The following LSAMP variants were observed in gnomAD, a reference collection of about 807,000 sequenced individuals.
LSAMP encodes the protein limbic system-associated membrane protein.
In LSAMP, 7 loss-of-function variants were observed where a neutral mutation model predicts 38.6. That is an observed-to-expected ratio of 0.18 (90% CI 0.10 to 0.34). The LOEUF is 0.34. Among genes scored for constraint, LSAMP ranks in the 10% least tolerant of loss-of-function variants. The pLI, the probability that LSAMP is intolerant of heterozygous loss-of-function variation, is 1.00. For synonymous variants in LSAMP, 154 were observed against 166.8 expected, an observed-to-expected ratio of 0.92 and a Z score of 0.59; for missense variants, 313 against 420.0, an observed-to-expected ratio of 0.75 and a Z score of 2.23.
Position 115,810,141 on chromosome 3 carries a change from ATGT to A in LSAMP, c.*173_*175del. The A allele has an allele frequency of 1.7e-6, 1 of 574,348 alleles. No homozygotes were observed. The highest frequency in any genetic ancestry group is 3.1e-6 in the Non-Finnish European group (1 of 325,104). The allele number at this position is 574,348 out of a possible 1,614,324, so 35.6% of individuals were successfully genotyped here. On this transcript the variant is annotated 3_prime_UTR_variant, in exon 7 of 7. Transcript: ENST00000490035. Reference sequence around the variant, plus strand: ...ATGATGGACTGTAAAATTGTTTTAAATGTTGTATTTTCTTCTTCACTTTCTTAT... The same window carrying A: ...ATGATGGACTGTAAAATTGTTTTAAATGTATTTTCTTCTTCACTTTCTTAT...
Position 115,802,945 on chromosome 3 carries a change from A to C in LSAMP, c.*7372T>G, listed in dbSNP as rs992807826. 1.3e-5 allele frequency: 2 copies of C among 152,312 alleles called. No homozygotes were observed. Among genetic ancestry groups the C allele is most frequent in the Middle Eastern group, 3.4e-3 (1 of 294 alleles). 9.4% of individuals were successfully genotyped at this position (152,312 alleles called of 1,614,324 possible). A position where few individuals can be genotyped will look rare whatever the true frequency, so the allele number is the denominator to read the frequency against. Reference sequence around the variant, plus strand: ...GAGCAGAACTTGGCCACAGTTCACCAGGATGAACAATTTCCATTCTCTGGT... The same window carrying C: ...GAGCAGAACTTGGCCACAGTTCACCCGGATGAACAATTTCCATTCTCTGGT... On this transcript the variant is annotated 3_prime_UTR_variant, in exon 7 of 7. Coordinates refer to ENST00000490035, the MANE Select transcript of LSAMP (RefSeq NM_002338.5).
At chr3:116,335,885 T>C (rs1315244981) in intron 1 of LSAMP, among the ~76,000 whole-genome samples, 1 of 152,074 alleles carries the variant, frequency 6.6e-6, no homozygotes, top group Non-Finnish European at 1.5e-5. Context: ...TTACAGTTTC[T>C]ACTCAAGATG....
intron 1 of LSAMP, among the ~76,000 whole-genome samples, chr3:116,436,467 T>C (rs1027563500): frequency 3.3e-5 from 5 of 152,120 alleles, no homozygotes; most frequent in African/African-American, 1.2e-4. Flanking sequence ...AGGACTGATA[T>C]CTAGAATCTA....
intron 1 of LSAMP, among the ~76,000 whole-genome samples, chr3:116,175,446 A>G (rs1244609586): frequency 6.6e-6 from 1 of 152,102 alleles, no homozygotes; most frequent in African/African-American, 2.4e-5. Context: ...TGTTAACTAT[A>G]GTCGTCCTAC....
intron 1 of LSAMP, among the ~76,000 whole-genome samples, chr3:116,416,865 A>C (rs938678870): frequency 5.3e-5 from 8 of 152,090 alleles, no homozygotes; most frequent in African/African-American, 2.4e-5. Context: ...ATAATAACTA[A>C]TACATATTAA....
At chr3:115,920,158 ATC>A (rs1300210950) in intron 3 of LSAMP, among the ~76,000 whole-genome samples, 1 of 152,232 alleles carries the variant, frequency 6.6e-6, no homozygotes, top group Non-Finnish European at 1.5e-5. Flanking sequence ...CAGTAGAGAT[ATC>A]TCTTAAAGAT....
chr3:116,430,041 G>A (rs140234965), intron 1 of LSAMP, among the ~76,000 whole-genome samples: 3 of 152,232 alleles, frequency 2.0e-5, no homozygotes, highest in Admixed American at 6.5e-5. Context: ...ATTAGAAGAC[G>A]TAAGAGATGA....
At chr3:116,052,146 C>T (rs747455925) in intron 2 of LSAMP, among the ~76,000 whole-genome samples, 2 of 152,144 alleles carry the variant, frequency 1.3e-5, no homozygotes, top group African/African-American at 4.8e-5. Flanking sequence ...GAATGCTTCA[C>T]AAGGATGCTG....
At chr3:115,815,415 A>C (rs1933986297) in intron 6 of LSAMP, among the ~76,000 whole-genome samples, 1 of 152,094 alleles carries the variant, frequency 6.6e-6, no homozygotes, top group South Asian at 2.1e-4. Context: ...GGGTCTTAAA[A>C]TCAATTGAAT....
At position 115,871,582 on chromosome 3, in the gene LSAMP, AGTGTGTGTGTGTGT is replaced by A. The variant is rs59830926; in HGVS notation, c.515-18979_515-18966del. On this transcript the variant is annotated intron_variant, in intron 3 of 6. Coordinates refer to ENST00000490035, the MANE Select transcript of LSAMP (RefSeq NM_002338.5). The stretch of plus-strand genomic sequence containing the variant: ...AGCTACCTAAAGAAAACCAACGTGT[AGTGTGTGTGTGTGT>A]GTGTGTGTGTGTGTGTGTGTGTAAG... Among the ~76,000 whole-genome samples, 6 of 145,022 alleles carry A rather than the reference AGTGTGTGTGTGTGT, an allele frequency of 4.1e-5. No individual in the cohort carries two copies. In the East Asian group the frequency reaches 6.1e-4, roughly 15 times the overall value.
At chr3:116,232,765 T>A (rs959919266) in intron 1 of LSAMP, among the ~76,000 whole-genome samples, 1 of 143,204 alleles carries the variant, frequency 7.0e-6, no homozygotes, top group Non-Finnish European at 1.5e-5. Flanking sequence ...TAGTCTCAGA[T>A]GAGCATAGGT....
At chr3:116,140,854 C>T (rs1709352961) in intron 1 of LSAMP, among the ~76,000 whole-genome samples, 1 of 151,718 alleles carries the variant, frequency 6.6e-6, no homozygotes. Context: ...ATGTTTAAAC[C>T]AACCCAAAGG....
At chr3:116,211,405 G>A (rs1406124539) in intron 1 of LSAMP, among the ~76,000 whole-genome samples, 1 of 152,094 alleles carries the variant, frequency 6.6e-6, no homozygotes, top group Non-Finnish European at 1.5e-5. Flanking sequence ...GCACAATTTA[G>A]CCATTCAAAA....
intron 3 of LSAMP, among the ~76,000 whole-genome samples, chr3:115,924,464 G>T (rs1336367828): frequency 2.0e-5 from 3 of 152,184 alleles, no homozygotes; most frequent in Admixed American, 2.0e-4. Flanking sequence ...GAGAATGTTT[G>T]ATTGGAAGGG....
chr3:116,129,975 A>G (rs1709088889), intron 1 of LSAMP, among the ~76,000 whole-genome samples: 1 of 152,238 alleles, frequency 6.6e-6, no homozygotes, highest in South Asian at 2.1e-4. Flanking sequence ...CTGGACACCA[A>G]TTCCAGAAAC....
chr3:116,004,547 CGT>C (rs1559916574), intron 3 of LSAMP, among the ~76,000 whole-genome samples: 9 of 148,210 alleles, frequency 6.1e-5, no homozygotes, highest in South Asian at 2.1e-4. Context: ...CACACACACA[CGT>C]AGGTGCATAT....
chr3:116,104,852 A>C (rs1191500364), intron 1 of LSAMP, among the ~76,000 whole-genome samples: 5 of 152,200 alleles, frequency 3.3e-5, no homozygotes, highest in Non-Finnish European at 1.5e-5. Context: ...TCTCTGTCAG[A>C]TGAAAAGTTA....
intron 1 of LSAMP, among the ~76,000 whole-genome samples, chr3:116,151,841 T>A (rs966464747): frequency 4.6e-5 from 7 of 152,056 alleles, no homozygotes; most frequent in Admixed American, 6.6e-5. Flanking sequence ...TGCTTCTCAA[T>A]ACACGAAGAG....
At chr3:115,969,698 T>A (rs1375639641) in intron 3 of LSAMP, among the ~76,000 whole-genome samples, 1 of 152,224 alleles carries the variant, frequency 6.6e-6, no homozygotes, top group African/African-American at 2.4e-5. Flanking sequence ...AATATTATTA[T>A]CTTTATTAAT....
Sources: allele counts gnomAD v4.1 joint callset (sites outside exome capture counted in the v4.1 genomes callset), GRCh38; gene constraint gnomAD v4.1.1; transcripts MANE v1.5; gene names NCBI Gene and HGNC (gene_info 2026-07-23, HGNC 2026-07-21).